CNPY3: variants seen among roughly 807,000 people sequenced by gnomAD.
CNPY3 encodes canopy FGF signaling regulator 3.
Under a neutral mutation model 32.0 loss-of-function variants are expected in CNPY3, and 20 were observed. That is an observed-to-expected ratio of 0.63 (90% CI 0.44 to 0.91). The LOEUF (loss-of-function observed/expected upper bound fraction) is 0.91, where lower values mean the gene tolerates loss of function less well. Ranked by LOEUF, CNPY3 falls within the 40% of genes least tolerant of loss-of-function variation. The probability of loss-of-function intolerance (pLI) is 0.00; values close to 1 mark genes in which losing one functional copy is unlikely to be tolerated. For missense variants in CNPY3, 299 were observed against 340.8 expected (o/e 0.88, Z 0.97); for synonymous variants, 138 against 142.9 (o/e 0.97, Z 0.24).
chr6:42,938,833 G>A lies in CNPY3; in HGVS notation c.*42G>A. 1 of 1,521,920 alleles carries A rather than the reference G, an allele frequency of 6.6e-7. No homozygotes were observed. The highest frequency in any genetic ancestry group is 8.8e-7 in the Non-Finnish European group (1 of 1,130,168). 94.3% of individuals were successfully genotyped at this position (1,521,920 alleles called of 1,614,324 possible). A position where few individuals can be genotyped will look rare whatever the true frequency, so the allele number is the denominator to read the frequency against. ...CTGTCCTGAGACCCCTGATTTTGAA[G>A]CTGAGGAGTCAGGGGCATGGCTCTG... On this transcript the variant is annotated 3_prime_UTR_variant, in exon 6 of 6. Transcript: ENST00000372836.
intron 1 of CNPY3, among the ~76,000 whole-genome samples, chr6:42,932,622 G>A (rs1371737318): frequency 1.3e-5 from 2 of 152,188 alleles, no homozygotes; most frequent in Non-Finnish European, 2.9e-5. Flanking sequence ...TGGGAGGAGG[G>A]GCAAGTGGTG....
At chr6:42,936,903 A>G (rs1768275007) in intron 3 of CNPY3, among the ~76,000 whole-genome samples, 1 of 152,188 alleles carries the variant, frequency 6.6e-6, no homozygotes, top group African/African-American at 2.4e-5. Flanking sequence ...TTGTGTAAAA[A>G]GGCGGGGGGA....
chr6:42,935,309 A>G (rs541203721), intron 2 of CNPY3: 2 of 475,526 alleles, frequency 4.2e-6, no homozygotes, highest in Non-Finnish European at 5.5e-6. Context: ...AAAATTTAAT[A>G]ATTTTGCTTT....
chr6:42,938,777 C>G lies in CNPY3; in HGVS notation c.823C>G (p.Pro275Ala), dbSNP rs766741461. ...QKASPLTHSP[P>A]DEL The stretch of plus-strand genomic sequence containing the variant: ...GGCATCCCCTCTCACACACAGCCCC[C>G]CTGATGAGCTCTGAGCCCACCCAGC... Residue 275 changes from proline (P) to alanine (A), a missense_variant, in exon 6 of 6, where the codon CCT becomes GCT. Coordinates refer to ENST00000372836, the MANE Select transcript of CNPY3 (RefSeq NM_006586.5). The G allele has an allele frequency of 6.2e-7, 1 of 1,610,178 alleles. No homozygotes were observed. Among genetic ancestry groups the G allele is most frequent in the Non-Finnish European group, 8.5e-7 (1 of 1,177,644 alleles).
Position 42,938,554 on chromosome 6 carries a change from C to G in CNPY3, c.614-14C>G. 1 of 1,565,698 alleles carries G rather than the reference C, an allele frequency of 6.4e-7. No homozygotes were observed. Among genetic ancestry groups the G allele is most frequent in the Non-Finnish European group, 8.7e-7 (1 of 1,154,040 alleles). On this transcript the variant is annotated splice_polypyrimidine_tract_variant and intron_variant, in intron 5 of 5. Transcript: ENST00000372836. ...AGGCACTTCTGTTGAGGGTCTCTCT[C>G]CTCCACACCCTAGGTTGCCTGGCAG... is the stretch of plus-strand genomic sequence containing the variant.
In CNPY3 at chr6:42,939,132, C is replaced by T; in HGVS notation, c.*341C>T. On this transcript the variant is annotated 3_prime_UTR_variant, in exon 6 of 6. Transcript: ENST00000372836. The stretch of plus-strand genomic sequence containing the variant: ...CCCTCCGGAGACCAAACTCACCATC[C>T]CTCAGTCCTCCCCAACAGGGTACTA... 1 of 1,098,534 alleles carries T rather than the reference C, an allele frequency of 9.1e-7. No individual in the cohort carries two copies. Among genetic ancestry groups the T allele is most frequent in the South Asian group, 3.7e-5 (1 of 27,296 alleles). 68.0% of individuals were successfully genotyped at this position (1,098,534 alleles called of 1,614,324 possible). A position where few individuals can be genotyped will look rare whatever the true frequency, so the allele number is the denominator to read the frequency against.
chr6:42,937,988 T>C, intron 4 of CNPY3, 102 bp from the exon 5 acceptor site: 2 of 1,437,518 alleles, frequency 1.4e-6, no homozygotes, highest in African/African-American at 2.8e-5. Flanking sequence ...GGTGAACCGC[T>C]GCCACTGCCT....
rs1554123960 is a variant in CNPY3, at chr6:42,938,655, A to AGGCAGCAGGCGGCAGGAGT, written c.702_720dup (p.Ser241GlyfsTer7). Reference sequence around the variant, plus strand: ...TCCAAGAAGAAGAGCAGCAGGGCCAAGGCAGCAGGCGGCAGGAGTAGCAGC... The same window carrying AGGCAGCAGGCGGCAGGAGT: ...TCCAAGAAGAAGAGCAGCAGGGCCAAGGCAGCAGGCGGCAGGAGTGGCAGCAGGCGGCAGGAGTAGCAGC... On this transcript the variant is annotated frameshift_variant, in exon 6 of 6. Coordinates refer to ENST00000372836, the MANE Select transcript of CNPY3 (RefSeq NM_006586.5). LOFTEE classifies it high-confidence loss of function. The AGGCAGCAGGCGGCAGGAGT allele has an allele frequency of 2.5e-6, 4 of 1,613,144 alleles. No individual in the cohort carries two copies. In the East Asian group the frequency reaches 6.7e-5, roughly 27 times the overall value.
intron 2 of CNPY3, 55 bp downstream of exon 2, chr6:42,934,653 G>C: frequency 6.2e-7 from 1 of 1,605,804 alleles, no homozygotes. Flanking sequence ...AGGCTTCAGG[G>C]GTTTGGAGTT....
chr6:42,929,804 G>A, intron 1 of CNPY3, 83 bp downstream of exon 1: 1 of 1,441,680 alleles, frequency 6.9e-7, no homozygotes, highest in Non-Finnish European at 9.3e-7. Context: ...GTCGGGGGTT[G>A]CAAGGTTCCG....
Position 42,938,747 on chromosome 6 carries a change from C to G in CNPY3, c.793C>G (p.Gln265Glu). 6.2e-7 allele frequency: 1 copy of G among 1,613,644 alleles called. No homozygotes were observed. Among genetic ancestry groups the G allele is most frequent in the Non-Finnish European group, 8.5e-7 (1 of 1,179,766 alleles). Residue 265 changes from glutamine to glutamate, a missense_variant, in exon 6 of 6, where the codon CAG becomes GAG. This residue lies in a region of CNPY3 where 211 missense variants were observed against 278.3 expected (regional missense o/e 0.76). Coordinates refer to ENST00000372836, the MANE Select transcript of CNPY3 (RefSeq NM_006586.5). ...DPSPEEDEGIQKASPLTHSPP... is the reference protein window; with the variant it reads ...DPSPEEDEGIEKASPLTHSPP... ...CAGCCCCGAGGAGGATGAGGGCATC[C>G]AGAAGGCATCCCCTCTCACACACAG... is the stretch of plus-strand genomic sequence containing the variant.
chr6:42,928,364 G>A (rs971391288), upstream of CNPY3, among the ~76,000 whole-genome samples: 2 of 151,480 alleles, frequency 1.3e-5, no homozygotes, highest in Non-Finnish European at 2.9e-5. Flanking sequence ...GGCTGGTCTC[G>A]AACTCCTGGC....
Position 42,935,587 on chromosome 6 carries a change from A to C in CNPY3, c.289A>C (p.Ile97Leu). 1 of 1,609,538 alleles carries C rather than the reference A, an allele frequency of 6.2e-7. No homozygotes were observed. Among genetic ancestry groups the C allele is most frequent in the East Asian group, 2.2e-5 (1 of 44,718 alleles). ...VKYTKSDLRL[I>L]EVTETICKRL... ...CTGTCTTGGCAGGGACTTGCGGTTA[A>C]TCGAAGTCACTGAGACCATTTGCAA... Residue 97 changes from isoleucine to leucine, a missense_variant, in exon 3 of 6, where the codon ATC becomes CTC. Transcript: ENST00000372836.
chr6:42,938,252 T>G, intron 5 of CNPY3, 45 bp downstream of exon 5: 1 of 1,440,222 alleles, frequency 6.9e-7, no homozygotes, highest in Non-Finnish European at 9.8e-7. Flanking sequence ...GATGATTTGT[T>G]TGCTCTCCCT....
Position 42,937,272 on chromosome 6 carries a change from G to A in CNPY3, c.373-445G>A, listed in dbSNP as rs373783079. On this transcript the variant is annotated intron_variant, in intron 3 of 5. Coordinates refer to ENST00000372836, the MANE Select transcript of CNPY3 (RefSeq NM_006586.5). ...ATCAGGGGGTATATGTGCAGGGGTT[G>A]TGGGAAGCAGGCCTAAAAGAGGGAA... 4.1e-4 allele frequency among the ~76,000 whole-genome samples: 63 copies of A among 152,270 alleles called. No individual in the cohort carries two copies. The South Asian group carries it at 0.013, about 31-fold the overall frequency.
At chr6:42,938,006 A>G (rs2114182924) in intron 4 of CNPY3, 84 bp from the exon 5 acceptor site, 4 of 1,465,192 alleles carry the variant, frequency 2.7e-6, no homozygotes, top group Non-Finnish European at 2.9e-6. Context: ...CCTACCTTGC[A>G]GTGGGTTGCG....
chr6:42,935,661 A>G lies in CNPY3; in HGVS notation c.363A>G (p.Arg121=). Residue 121 remains arginine (R), a synonymous_variant, in exon 3 of 6, where the codon CGA becomes CGG. Coordinates refer to ENST00000372836, the MANE Select transcript of CNPY3 (RefSeq NM_006586.5). ...ACAAGGAGAGGACCGGCAGCAATCG[A>G]TTTGCCAAGGTTGGATTCGGGATTG... The part of the protein sequence containing the change: ...SLHKERTGSN[R]FAKGMSETFE... The G allele has an allele frequency of 6.2e-7, 1 of 1,608,700 alleles. No homozygotes were observed. Among genetic ancestry groups the G allele is most frequent in the Non-Finnish European group, 8.5e-7 (1 of 1,175,880 alleles).
chr6:42,934,455 G>A lies in CNPY3; in HGVS notation c.152-20G>A. The stretch of plus-strand genomic sequence containing the variant: ...TAGACTCATGTGCACTCAGTGGGCT[G>A]TGCTACCTCCCTCCCCCAGTGTGTA... On this transcript the variant is annotated intron_variant, in intron 1 of 5. Coordinates refer to ENST00000372836, the MANE Select transcript of CNPY3 (RefSeq NM_006586.5). The A allele has an allele frequency of 6.2e-7, 1 of 1,613,754 alleles. No individual in the cohort carries two copies. Among genetic ancestry groups the A allele is most frequent in the Non-Finnish European group, 8.5e-7 (1 of 1,179,778 alleles).
intron 1 of CNPY3, among the ~76,000 whole-genome samples, chr6:42,933,852 T>C (rs996734052): frequency 6.6e-6 from 1 of 152,226 alleles, no homozygotes; most frequent in Non-Finnish European, 1.5e-5. Flanking sequence ...CTTTCAGCTT[T>C]TCTGTATGTA....
Sources: gnomAD v4.1 joint callset for allele counts (sites outside exome capture counted in the v4.1 genomes callset) on GRCh38, gnomAD v4.1.1 for gene constraint, gnomAD v4.1.1 regional missense constraint, MANE v1.5 for transcripts, NCBI Gene and HGNC (gene_info 2026-07-23, HGNC 2026-07-21) for gene names.